Variants in GALNT2 observed in about 807,000 individuals in gnomAD.
GALNT2 encodes the protein UDP-GalNAc:polypeptide N-acetylgalactosaminyltransferase 2.
GALNT2 carries 31 observed loss-of-function variants against 81.4 expected under a neutral mutation model. The ratio of observed to expected loss-of-function variants is 0.38; its 90% CI spans 0.29 to 0.51. The LOEUF is 0.51. GALNT2 is among the 20% of genes least tolerant of loss of function. The probability of loss-of-function intolerance (pLI) is 0.87; values close to 1 mark genes in which losing one functional copy is unlikely to be tolerated. For synonymous variants in GALNT2, 303 were observed against 287.4 expected, an observed-to-expected ratio of 1.05 and a Z score of -0.55; for missense variants, 629 against 765.7, an observed-to-expected ratio of 0.82 and a Z score of 2.11.
chr1:230,222,776 C>A (rs1664589373), intron 3 of GALNT2, among the ~76,000 whole-genome samples: 1 of 152,142 alleles, frequency 6.6e-6, no homozygotes, highest in Admixed American at 6.5e-5. Flanking sequence ...AATTTACACA[C>A]ATTACTCATT....
At chr1:230,252,210 C>T (rs1019824115) in intron 10 of GALNT2, among the ~76,000 whole-genome samples, 45 of 152,174 alleles carry the variant, frequency 3.0e-4, no homozygotes, top group African/African-American at 1.1e-3. Context: ...GTGCACACTA[C>T]TAGCCATTGC....
intron 1 of GALNT2, among the ~76,000 whole-genome samples, chr1:230,161,176 C>T (rs959360119): frequency 1.3e-5 from 2 of 152,196 alleles, no homozygotes; most frequent in African/African-American, 2.4e-5. Context: ...CCAGGGCTCA[C>T]GTGTGCCTTG....
chr1:230,182,695 G>A (rs1304533303), intron 2 of GALNT2, among the ~76,000 whole-genome samples: 1 of 152,188 alleles, frequency 6.6e-6, no homozygotes, highest in African/African-American at 2.4e-5. Context: ...TGAGAAGAAT[G>A]TGTACTCTGC....
chr1:230,089,010 C>CT (rs1659979765), intron 1 of GALNT2, among the ~76,000 whole-genome samples: 2 of 152,114 alleles, frequency 1.3e-5, no homozygotes, highest in Non-Finnish European at 2.9e-5. Context: ...ACTGTGTGTC[C>CT]TTTAGTGTCT....
chr1:230,239,580 G>A (rs987481407), intron 6 of GALNT2, among the ~76,000 whole-genome samples: 2 of 152,336 alleles, frequency 1.3e-5, no homozygotes, highest in East Asian at 3.9e-4. Flanking sequence ...ACATCCTTCT[G>A]TCTGCTTTTA....
intron 11 of GALNT2, among the ~76,000 whole-genome samples, chr1:230,256,545 A>G (rs1665721775): frequency 6.6e-6 from 1 of 151,176 alleles, no homozygotes; most frequent in South Asian, 2.1e-4. Context: ...CATAGCAAAT[A>G]TTAAAGTCAA....
At position 230,100,310 on chromosome 1, in the gene GALNT2, C is replaced by CTTTTT. The variant is rs573478928; in HGVS notation, c.126+32926_126+32930dup. On this transcript the variant is annotated intron_variant, in intron 1 of 15. Coordinates refer to ENST00000366672, the MANE Select transcript of GALNT2 (RefSeq NM_004481.5). ...GGATGCCCAGGGTATCTTTTTATTC[C>CTTTTT]TTTTTTTTTTTTTTTTTTTTTTTTT... is the stretch of plus-strand genomic sequence containing the variant. 7.0e-5 allele frequency among the ~76,000 whole-genome samples: 6 copies of CTTTTT among 85,776 alleles called. 1 individual carries two copies. The highest frequency in any genetic ancestry group is 3.1e-4 in the African/African-American group (6 of 19,668). The allele number at this position is 85,776 out of a possible 152,430, so 56.3% of individuals were successfully genotyped here. A position where few individuals can be genotyped will look rare whatever the true frequency, so the allele number is the denominator to read the frequency against.
chr1:230,153,058 T>C (rs772383125), intron 1 of GALNT2, among the ~76,000 whole-genome samples: 2 of 152,186 alleles, frequency 1.3e-5, no homozygotes, highest in Non-Finnish European at 2.9e-5. Context: ...CTTATTTACA[T>C]TTTATTTATT....
intron 1 of GALNT2, among the ~76,000 whole-genome samples, chr1:230,095,051 G>A (rs1341608278): frequency 1.3e-5 from 2 of 152,116 alleles, no homozygotes; most frequent in South Asian, 2.1e-4. Flanking sequence ...CTTCTGCTCC[G>A]AGTCTGCTGG....
At chr1:230,186,980 GT>G (rs1245078424) in intron 2 of GALNT2, among the ~76,000 whole-genome samples, 1 of 152,202 alleles carries the variant, frequency 6.6e-6, no homozygotes, top group Non-Finnish European at 1.5e-5. Context: ...CACAGCTAAA[GT>G]TTTATGGTTT....
At chr1:230,252,927 A>G (rs3761942) in intron 10 of GALNT2, among the ~76,000 whole-genome samples, 10,823 of 139,466 alleles carry the variant, frequency 0.078, 970 homozygotes, top group East Asian at 0.39. Flanking sequence ...GCTCACCGCA[A>G]CGTTCGCCTC....
chr1:230,240,381 C>T (rs1422776533), intron 6 of GALNT2, among the ~76,000 whole-genome samples: 8 of 152,206 alleles, frequency 5.3e-5, no homozygotes, highest in Non-Finnish European at 1.0e-4. Flanking sequence ...ATCACGAGGT[C>T]AGGAGTTTGA....
intron 3 of GALNT2, among the ~76,000 whole-genome samples, chr1:230,208,628 G>A (rs897023423): frequency 1.3e-5 from 2 of 152,250 alleles, no homozygotes; most frequent in African/African-American, 2.4e-5. Context: ...AGCCCTGGAC[G>A]ATTCCAACAT....
At chr1:230,077,336 C>T (rs1351985636) in intron 1 of GALNT2, among the ~76,000 whole-genome samples, 1 of 152,190 alleles carries the variant, frequency 6.6e-6, no homozygotes, top group Non-Finnish European at 1.5e-5. Context: ...ACTTAGTTGT[C>T]TTCCTGTCTC....
At chr1:230,078,939 G>C (rs895901174) in intron 1 of GALNT2, among the ~76,000 whole-genome samples, 3 of 152,186 alleles carry the variant, frequency 2.0e-5, no homozygotes, top group Non-Finnish European at 4.4e-5. Context: ...CTCCCAAGTA[G>C]CTGGGACAAC....
At chr1:230,146,274 T>G (rs1170857793) in intron 1 of GALNT2, among the ~76,000 whole-genome samples, 1 of 152,062 alleles carries the variant, frequency 6.6e-6, no homozygotes, top group Non-Finnish European at 1.5e-5. Flanking sequence ...TTGGGAGGAG[T>G]CCCGCGCCTT....
At chr1:230,076,528 G>T (rs1019645450) in intron 1 of GALNT2, among the ~76,000 whole-genome samples, 2 of 152,058 alleles carry the variant, frequency 1.3e-5, no homozygotes, top group African/African-American at 4.8e-5. Context: ...TGGAGAGGGG[G>T]GTTATTCTTG....
intron 1 of GALNT2, among the ~76,000 whole-genome samples, chr1:230,174,362 A>C (rs1662890225): frequency 6.6e-6 from 1 of 152,126 alleles, no homozygotes; most frequent in African/African-American, 2.4e-5. Context: ...CCTGCTCACC[A>C]GTAGCTTTAA....
intron 1 of GALNT2, among the ~76,000 whole-genome samples, chr1:230,091,059 T>TTTTG (rs201061037): frequency 0.016 from 2,302 of 144,206 alleles, 27 homozygotes; most frequent in South Asian, 0.039. Context: ...AGACCTTTTC[T>TTTTG]TTTGTTTGTT....
Sources: gnomAD v4.1 joint callset for allele counts (sites outside exome capture counted in the v4.1 genomes callset) on GRCh38, gnomAD v4.1.1 for gene constraint, MANE v1.5 for transcripts, NCBI Gene and HGNC (gene_info 2026-07-23, HGNC 2026-07-21) for gene names.